The following CALN1 variants were observed in gnomAD, a reference collection of about 807,000 sequenced individuals.
CALN1 encodes the protein calcium-binding protein 8.
CALN1 carries 17 observed loss-of-function variants against 30.6 expected under a neutral mutation model. The ratio of observed to expected loss-of-function variants is 0.56; its 90% confidence interval spans 0.38 to 0.83. The LOEUF is 0.83. CALN1 is among the 40% of genes least tolerant of loss of function. The probability of loss-of-function intolerance (pLI) is 0.00; values close to 1 mark genes in which losing one functional copy is unlikely to be tolerated. For missense variants in CALN1, 291 were observed against 354.9 expected (o/e 0.82, Z 1.45); for synonymous variants, 156 against 131.4 (o/e 1.19, Z -1.28).
At chr7:72,351,329 C>T (rs996145897) in intron 2 of CALN1, among the ~76,000 whole-genome samples, 1 of 151,976 alleles carries the variant, frequency 6.6e-6, no homozygotes, top group Non-Finnish European at 1.5e-5. Flanking sequence ...CTAGCAAGAC[C>T]CTGTCTCTAT....
intron 3 of CALN1, among the ~76,000 whole-genome samples, chr7:72,176,273 G>A (rs901741410): frequency 2.0e-5 from 3 of 152,126 alleles, no homozygotes; most frequent in Non-Finnish European, 4.4e-5. Flanking sequence ...GAACTTTGTG[G>A]GAAAGGTAAG....
At chr7:72,221,004 T>C (rs1793246826) in intron 3 of CALN1, among the ~76,000 whole-genome samples, 1 of 152,212 alleles carries the variant, frequency 6.6e-6, no homozygotes, top group Non-Finnish European at 1.5e-5. Context: ...GCCTGTTCAC[T>C]CTGATGGTAG....
At chr7:72,270,657 C>A (rs1796915815) in intron 3 of CALN1, among the ~76,000 whole-genome samples, 1 of 152,090 alleles carries the variant, frequency 6.6e-6, no homozygotes, top group South Asian at 2.1e-4. Flanking sequence ...CACCTGTAGT[C>A]CCAGCTCCTT....
the CALN1 span, among the ~76,000 whole-genome samples, chr7:72,501,248 G>T: frequency 6.6e-6 from 1 of 151,420 alleles, no homozygotes; most frequent in African/African-American, 2.4e-5. Context: ...AAACCACAGA[G>T]GAGTCCAGGT....
At chr7:71,950,716 A>C (rs2129523980) in intron 5 of CALN1, among the ~76,000 whole-genome samples, 1 of 152,296 alleles carries the variant, frequency 6.6e-6, no homozygotes, top group South Asian at 2.1e-4. Flanking sequence ...CAGACCACAC[A>C]GGGAATCACG....
upstream of CALN1, among the ~76,000 whole-genome samples, chr7:72,448,841 A>G (rs923612538): frequency 7.2e-5 from 11 of 152,064 alleles, no homozygotes; most frequent in Non-Finnish European, 1.3e-4. Flanking sequence ...TCCTGACCTC[A>G]TGATCTTCCC....
At chr7:72,352,518 T>C (rs1338107710) in intron 2 of CALN1, among the ~76,000 whole-genome samples, 2 of 152,040 alleles carry the variant, frequency 1.3e-5, no homozygotes, top group Non-Finnish European at 2.9e-5. Context: ...CCCAAGATTT[T>C]ACAAGTAAAA....
At chr7:71,992,247 GTAAC>G (rs557853327) in intron 5 of CALN1, among the ~76,000 whole-genome samples, 231 of 152,308 alleles carry the variant, frequency 1.5e-3, no homozygotes, top group African/African-American at 4.6e-3. Context: ...AAAATAAACT[GTAAC>G]TAACTAAATT....
chr7:71,974,692 A>G (rs1055738417), intron 5 of CALN1, among the ~76,000 whole-genome samples: 3 of 152,150 alleles, frequency 2.0e-5, no homozygotes, highest in Non-Finnish European at 2.9e-5. Flanking sequence ...GGAACAAACC[A>G]TCCGCAGAGA....
chr7:72,352,967 T>G lies in CALN1; in HGVS notation c.119+50284A>C, dbSNP rs142170400. On this transcript the variant is annotated intron_variant, in intron 2 of 6. Coordinates refer to ENST00000395275, the MANE Select transcript of CALN1 (RefSeq NM_031468.4). ...AAGGGAATATTATAAAGCAATGTTA[T>G]GACAAAAAATGGACAATTTAAACAA... is the stretch of plus-strand genomic sequence containing the variant. Among the ~76,000 whole-genome samples the G allele has an allele frequency of 2.3e-3, 355 of 152,260 alleles. 2 individuals carry two copies. Among genetic ancestry groups the G allele is most frequent in the African/African-American group, 7.7e-3 (321 of 41,572 alleles).
chr7:71,972,625 T>G (rs1479130311), intron 5 of CALN1, among the ~76,000 whole-genome samples: 4 of 152,176 alleles, frequency 2.6e-5, no homozygotes, highest in Non-Finnish European at 4.4e-5. Flanking sequence ...TTAGATGGTG[T>G]GCAGAGAGAC....
At chr7:72,306,903 A>AGC (rs1799695268) in intron 2 of CALN1, among the ~76,000 whole-genome samples, 2 of 152,166 alleles carry the variant, frequency 1.3e-5, no homozygotes, top group Admixed American at 6.6e-5. Flanking sequence ...CAGGTATTTT[A>AGC]CAGAGTCTGA....
chr7:72,278,606 G>A (rs1243623283), intron 3 of CALN1, 80 bp downstream of exon 3: 1 of 1,570,716 alleles, frequency 6.4e-7, no homozygotes, highest in Non-Finnish European at 8.7e-7. Context: ...AAAGTCCAGG[G>A]CTTTCAATTG....
At chr7:71,790,360 AAAGAAAGAAAAGAAAG>A (rs1480869120) in intron 6 of CALN1, among the ~76,000 whole-genome samples, 4 of 86,972 alleles carry the variant, frequency 4.6e-5, no homozygotes, top group Admixed American at 1.3e-4. Context: ...AGAAAGAAAG[AAAGAAAGAAAAGAAAG>A]AAAGAAAGAA....
intron 2 of CALN1, among the ~76,000 whole-genome samples, chr7:72,383,323 T>C (rs1805023448): frequency 6.6e-6 from 1 of 152,240 alleles, no homozygotes; most frequent in African/African-American, 2.4e-5. Context: ...CTTTTAGTTC[T>C]TTGAGAAATC....
At position 71,786,024 on chromosome 7, in the gene CALN1, T is replaced by TA. The variant is rs1163502364; in HGVS notation, c.*1750dup. 1 of 152,600 alleles carries TA rather than the reference T, an allele frequency of 6.6e-6. No homozygotes were observed. Among genetic ancestry groups the TA allele is most frequent in the Non-Finnish European group, 1.5e-5 (1 of 68,052 alleles). 9.5% of individuals were successfully genotyped at this position (152,600 alleles called of 1,614,324 possible). On this transcript the variant is annotated 3_prime_UTR_variant, in exon 7 of 7. Transcript: ENST00000395275. ...TACTTGTGCTCATCAGGAATATTCA[T>TA]AGTCTCCCACAGAGGGAAAGTTTCT...
intron 3 of CALN1, among the ~76,000 whole-genome samples, chr7:72,249,858 A>C (rs1795430230): frequency 6.6e-6 from 1 of 151,118 alleles, no homozygotes; most frequent in African/African-American, 2.4e-5. Context: ...AATCACTTGA[A>C]CCCAGGAGGT....
At chr7:72,049,965 A>C (rs116856834) in intron 4 of CALN1, among the ~76,000 whole-genome samples, 5,709 of 137,422 alleles carry the variant, frequency 0.042, 174 homozygotes, top group Middle Eastern at 0.14. Context: ...TCACACTACC[A>C]CTCCTGGCTA....
chr7:72,312,539 G>A (rs147312756), intron 2 of CALN1, among the ~76,000 whole-genome samples: 30 of 152,216 alleles, frequency 2.0e-4, no homozygotes, highest in African/African-American at 6.7e-4. Flanking sequence ...AAATTGGGTT[G>A]CAGGTGAGCC....
Sources: gnomAD v4.1 joint callset for allele counts (sites outside exome capture counted in the v4.1 genomes callset) on GRCh38, gnomAD v4.1.1 for gene constraint, MANE v1.5 for transcripts, NCBI Gene and HGNC (gene_info 2026-07-23, HGNC 2026-07-21) for gene names.